FER1L5: variants seen among roughly 807,000 people sequenced by gnomAD.
The protein encoded by FER1L5 is fer-1 like family member 5, also known as fer-1-like protein 5.
FER1L5 carries 187 observed loss-of-function variants against 279.9 expected under a neutral mutation model. The observed-to-expected ratio is 0.67, with a 90% confidence interval of 0.59 to 0.75. The LOEUF is 0.75. Among genes scored for constraint, FER1L5 ranks in the 30% least tolerant of loss-of-function variants. The probability of loss-of-function intolerance (pLI) is 0.00; values close to 1 mark genes in which losing one functional copy is unlikely to be tolerated. For synonymous variants in FER1L5, 921 were observed against 989.7 expected (o/e 0.93, Z 1.30); for missense variants, 2,091 against 2,594.4 (o/e 0.81, Z 4.21).
rs571426604 is a variant in FER1L5 at position 96,652,017 on chromosome 2, T to G, written c.630T>G (p.Asn210Lys). Reference sequence around the variant, plus strand: ...AGATGGGAAACAACCCTTTCTTTAATGAGGTGGGCTGAACGGGGCACATCA... The same window carrying G: ...AGATGGGAAACAACCCTTTCTTTAAGGAGGTGGGCTGAACGGGGCACATCA... ...RIKMGNNPFF[N>K]EIFFQNFHEV... Residue 210 changes from asparagine (N) to lysine (K), a missense_variant, in exon 7 of 53, where the codon AAT (asparagine) becomes AAG (lysine). By Grantham distance (94) the Asn-to-Lys change is moderately conservative. Transcript: ENST00000624922. The G allele has an allele frequency of 2.3e-5, 36 of 1,551,612 alleles. No homozygotes were observed. The African/African-American group carries it at 3.3e-4, about 14-fold the overall frequency.
chr2:96,703,258 A>T lies in FER1L5; in HGVS notation c.5603A>T (p.Gln1868Leu), dbSNP rs1382294430. 4 of 1,613,872 alleles carry T rather than the reference A, an allele frequency of 2.5e-6. No individual in the cohort carries two copies. In the South Asian group the frequency reaches 4.4e-5, roughly 18 times the overall value. Reference protein sequence around the residue: ...DADPKWPYFIQYKHFSLFKKK... With the variant: ...DADPKWPYFILYKHFSLFKKK... The stretch of plus-strand genomic sequence containing the variant: ...GACCCCAAGTGGCCCTATTTCATCC[A>T]ATACAAGCACTTCTCCCTCTTTAAG... The change falls in exon 50 of 53, where the codon CAA becomes CTA. Residue 1868 changes from glutamine to leucine, a missense_variant. Physicochemically the swap from Gln to Leu is moderately radical, Grantham distance 113 (BLOSUM62 -2). Coordinates refer to ENST00000624922, the MANE Select transcript of FER1L5 (RefSeq NM_001293083.2).
Position 96,700,006 on chromosome 2 carries a change from T to G in FER1L5, c.4856T>G (p.Leu1619Arg), listed in dbSNP as rs1464476502. 1 of 1,613,904 alleles carries G rather than the reference T, an allele frequency of 6.2e-7. No homozygotes were observed. Among genetic ancestry groups the G allele is most frequent in the African/African-American group, 1.3e-5 (1 of 74,934 alleles). The change falls in exon 44 of 53, where the codon CTA becomes CGA. Residue 1619 changes from leucine to arginine, a missense_variant. Physicochemically the swap from Leu to Arg is moderately radical, Grantham distance 102. Transcript: ENST00000624922. ...GAACGCTATGCCAAGCGGAAAGGGCTACCTCCGCCTCTGTTCAGTCCTGAG... is the reference window on the plus strand; with the variant it reads ...GAACGCTATGCCAAGCGGAAAGGGCGACCTCCGCCTCTGTTCAGTCCTGAG... ...LLERYAKRKG[L>R]PPPLFSPEED...
In FER1L5 at chr2:96,659,336, TC is replaced by T. The variant is rs1194289940; in HGVS notation, c.748-1003del. On this transcript the variant is annotated intron_variant, in intron 9 of 52. Coordinates refer to ENST00000624922, the MANE Select transcript of FER1L5 (RefSeq NM_001293083.2). ...TTCCTTCCTTCCTTCCTTCCTTCCTTCCTTCCTTCCTTCCTTCCTTCCTTCC... is the reference window on the plus strand; with the variant it reads ...TTCCTTCCTTCCTTCCTTCCTTCCTTCTTCCTTCCTTCCTTCCTTCCTTCC... Among the ~76,000 whole-genome samples, 11 of 80,304 alleles carry T rather than the reference TC, an allele frequency of 1.4e-4. 1 individual carries two copies. Among genetic ancestry groups the T allele is most frequent in the East Asian group, 1.2e-3 (3 of 2,488 alleles). 52.7% of individuals were successfully genotyped at this position (80,304 alleles called of 152,430 possible). A position where few individuals can be genotyped will look rare whatever the true frequency, so the allele number is the denominator to read the frequency against.
intron 32 of FER1L5, 40 bp downstream of exon 32, chr2:96,693,727 CT>C: frequency 6.5e-7 from 1 of 1,534,230 alleles, no homozygotes; most frequent in South Asian, 1.2e-5. Flanking sequence ...GAGGACCTAC[CT>C]CACAGAGTGG....
In FER1L5 at chr2:96,687,858, C is replaced by T; in HGVS notation, c.2272C>T (p.Leu758Phe). The T allele has an allele frequency of 1.3e-6, 2 of 1,551,314 alleles. No individual in the cohort carries two copies. Among genetic ancestry groups the T allele is most frequent in the Non-Finnish European group, 1.7e-6 (2 of 1,146,978 alleles). Residue 758 changes from leucine (L) to phenylalanine (F), a missense_variant, in exon 24 of 53, where the codon CTC becomes TTC. By Grantham distance (22) the Leu-to-Phe change is conservative (BLOSUM62 0). Transcript: ENST00000624922. ...ACAGAAGGATGTGCTCCCAGCTCAC[C>T]TCCGGGTCTGCATGTGGCTTGGCAA... The part of the protein sequence containing the change: ...EGQKDVLPAH[L>F]RVCMWLGNVT...
At position 96,699,998 on chromosome 2, in the gene FER1L5, G is replaced by C. The variant is rs750020443; in HGVS notation, c.4848G>C (p.Arg1616=). 1 of 1,614,020 alleles carries C rather than the reference G, an allele frequency of 6.2e-7. No individual in the cohort carries two copies. The highest frequency in any genetic ancestry group is 1.3e-5 in the African/African-American group (1 of 75,068). The change falls in exon 44 of 53, where the codon CGG becomes CGC. Residue 1616 remains arginine, a synonymous_variant. Transcript: ENST00000624922. The stretch of plus-strand genomic sequence containing the variant: ...ACCTCCTAGAACGCTATGCCAAGCG[G>C]AAAGGGCTACCTCCGCCTCTGTTCA... ...PSYLLERYAK[R]KGLPPPLFSP...
In FER1L5 at chr2:96,689,491, G is replaced by A. The variant is rs2077059292; in HGVS notation, c.2525+115G>A. ...CCTAAGCCTGGTGCCAGAGGGCCGA[G>A]GTGCACCAGGCCAAGGGCCCTGCCC... On this transcript the variant is annotated intron_variant, in intron 25 of 52. Coordinates refer to ENST00000624922, the MANE Select transcript of FER1L5 (RefSeq NM_001293083.2). This position sits in a 1 kb window ranked among gnomAD's most constrained non-coding sequence, Gnocchi z 4.6. 2 of 1,488,518 alleles carry A rather than the reference G, an allele frequency of 1.3e-6. No homozygotes were observed. Among genetic ancestry groups the A allele is most frequent in the African/African-American group, 1.4e-5 (1 of 70,948 alleles). The allele number at this position is 1,488,518 out of a possible 1,614,324, so 92.2% of individuals were successfully genotyped here.
intron 1 of FER1L5, among the ~76,000 whole-genome samples, chr2:96,644,321 A>G: frequency 6.6e-6 from 1 of 150,852 alleles, no homozygotes; most frequent in Admixed American, 6.6e-5. Context: ...TACTAAAAAT[A>G]CAAAAAAAAA....
rs764195563 is a variant in FER1L5, at chr2:96,679,228, G to GT, written c.1670-5085dup. Among the ~76,000 whole-genome samples the GT allele has an allele frequency of 7.3e-3, 1,048 of 143,364 alleles. 2 individuals are homozygous for GT. The highest frequency in any genetic ancestry group is 0.011 in the Admixed American group (152 of 14,300). The allele number at this position is 143,364 out of a possible 152,430, so 94.1% of individuals were successfully genotyped here. On this transcript the variant is annotated intron_variant, in intron 19 of 52. Transcript: ENST00000624922. ...CTGGGCATGGCGACACACACCTATAGTTTTTTTTTTTTTTGAGATGGCGTC... is the reference window on the plus strand; with the variant it reads ...CTGGGCATGGCGACACACACCTATAGTTTTTTTTTTTTTTTGAGATGGCGTC...
rs375439115 is a variant in FER1L5 at position 96,703,671 on chromosome 2, C to T, written c.5801+39C>T. On this transcript the variant is annotated intron_variant, in intron 51 of 52. Transcript: ENST00000624922. The stretch of plus-strand genomic sequence containing the variant: ...GGGCAAAAGCACCAGATCTTTCTTG[C>T]TCCTCAGTGTGTATGGGGTGGTGAC... The T allele has an allele frequency of 1.4e-5, 22 of 1,592,718 alleles. No individual in the cohort carries two copies. The African/African-American group carries it at 2.4e-4, about 17-fold the overall frequency.
rs2153314690 is a variant in FER1L5, at chr2:96,703,481, G to A, written c.5692-42G>A. 5 of 1,611,614 alleles carry A rather than the reference G, an allele frequency of 3.1e-6. No homozygotes were observed. The South Asian group carries it at 4.4e-5, about 14-fold the overall frequency. On this transcript the variant is annotated intron_variant, in intron 50 of 52. Coordinates refer to ENST00000624922, the MANE Select transcript of FER1L5 (RefSeq NM_001293083.2). ...GAGGTCCTAAAACTACCCGGCTCCT[G>A]CTGTCTGCACTCAGCCTCCCCCTCA...
intron 23 of FER1L5, among the ~76,000 whole-genome samples, chr2:96,686,941 A>G (rs1163887303): frequency 1.3e-5 from 2 of 151,128 alleles, no homozygotes; most frequent in Non-Finnish European, 1.5e-5. Context: ...GCCCCTTGTC[A>G]TCTCTTCCCT....
At chr2:96,697,457 C>A (rs897201538) in intron 37 of FER1L5, 69 bp from the exon 38 acceptor site, 1 of 1,559,178 alleles carries the variant, frequency 6.4e-7, no homozygotes, top group East Asian at 2.3e-5. Context: ...CTCAACCCCC[C>A]TCTCCTCTCT....
chr2:96,680,530 A>T (rs766016004), intron 19 of FER1L5, among the ~76,000 whole-genome samples: 14 of 151,272 alleles, frequency 9.3e-5, no homozygotes, highest in Non-Finnish European at 2.1e-4. Context: ...CTAGATCTTC[A>T]TAGAAAGTCC....
chr2:96,653,598 C>T lies in FER1L5; in HGVS notation c.634-42C>T, dbSNP rs567274729. ...TTTACTGAGTGCTTGGGTGAAGTGG[C>T]GGAAGAAATCATCCACTCTACCCCA... On this transcript the variant is annotated intron_variant, in intron 7 of 52. Coordinates refer to ENST00000624922, the MANE Select transcript of FER1L5 (RefSeq NM_001293083.2). 3.3e-5 allele frequency: 48 copies of T among 1,439,278 alleles called. 1 individual carries two copies. The East Asian group carries it at 4.2e-4, about 13-fold the overall frequency. The allele number at this position is 1,439,278 out of a possible 1,614,324, so 89.2% of individuals were successfully genotyped here. A position where few individuals can be genotyped will look rare whatever the true frequency, so the allele number is the denominator to read the frequency against.
At chr2:96,661,224 G>C in intron 10 of FER1L5, 101 bp from the exon 11 acceptor site, 1 of 745,568 alleles carries the variant, frequency 1.3e-6, no homozygotes, top group Non-Finnish European at 2.2e-6. Flanking sequence ...GGATGCCTGA[G>C]ACCTATTTCC....
intron 13 of FER1L5, among the ~76,000 whole-genome samples, chr2:96,662,789 C>T (rs888503037): frequency 7.2e-5 from 11 of 152,222 alleles, no homozygotes; most frequent in East Asian, 3.9e-4. Flanking sequence ...CACACATAAG[C>T]GGAGAGAAAA....
At chr2:96,667,617 G>A (rs1233196072) in intron 14 of FER1L5, among the ~76,000 whole-genome samples, 1 of 152,170 alleles carries the variant, frequency 6.6e-6, no homozygotes, top group Non-Finnish European at 1.5e-5. Flanking sequence ...AAAGTGCTGG[G>A]ATTACAGGCA....
chr2:96,698,873 T>A lies in FER1L5; in HGVS notation c.4518+41T>A. On this transcript the variant is annotated intron_variant, in intron 41 of 52. Coordinates refer to ENST00000624922, the MANE Select transcript of FER1L5 (RefSeq NM_001293083.2). The surrounding 1 kb of genome is among the most constrained non-coding windows in gnomAD (Gnocchi z 5.5). ...TGCCCCACACAGGTGCCCCGCACGC[T>A]CCCCTCAACCCATCTCTGGGAGCCC... 1.3e-6 allele frequency: 2 copies of A among 1,548,880 alleles called. No individual in the cohort carries two copies. The highest frequency in any genetic ancestry group is 1.7e-6 in the Non-Finnish European group (2 of 1,144,698).
Sources: allele counts gnomAD v4.1 joint callset (sites outside exome capture counted in the v4.1 genomes callset), GRCh38; gene constraint gnomAD v4.1.1; non-coding constraint Gnocchi (gnomAD v3.1); transcripts MANE v1.5; gene names NCBI Gene and HGNC (gene_info 2026-07-23, HGNC 2026-07-21).